The following DCC variants were observed in gnomAD, a reference collection of about 807,000 sequenced individuals.
DCC encodes netrin receptor DCC.
In DCC, 58 loss-of-function variants were observed where a neutral mutation model predicts 172.5. The observed-to-expected ratio is 0.34, with a 90% CI of 0.27 to 0.42. The LOEUF (loss-of-function observed/expected upper bound fraction) is 0.42. Among genes scored for constraint, DCC ranks in the 10% least tolerant of loss-of-function variants. DCC has a pLI of 1.00. For missense variants in DCC, 1,740 were observed against 1,791.0 expected (o/e 0.97, Z 0.51); for synonymous variants, 709 against 644.5 (o/e 1.10, Z -1.52).
chr18:52,642,006 G>GTGTGTGTGTA (rs2034901795), intron 1 of DCC, among the ~76,000 whole-genome samples: 1 of 38,112 alleles, frequency 2.6e-5, no homozygotes, highest in African/African-American at 7.4e-5. Context: ...AAACTGTGGT[G>GTGTGTGTGTA]TGTGTGTGTA....
At chr18:52,750,963 A>C (rs2036985083) in intron 1 of DCC, among the ~76,000 whole-genome samples, 1 of 152,240 alleles carries the variant, frequency 6.6e-6, no homozygotes, top group East Asian at 1.9e-4. Context: ...ATGCCATTTC[A>C]AACAAATAAA....
chr18:52,805,436 A>G (rs953216636), intron 2 of DCC, among the ~76,000 whole-genome samples: 3 of 152,176 alleles, frequency 2.0e-5, no homozygotes, highest in East Asian at 1.9e-4. Context: ...AATTATATGA[A>G]TTTTTGTTTT....
chr18:52,711,406 CTATT>C (rs1401382657), intron 1 of DCC, among the ~76,000 whole-genome samples: 1 of 152,088 alleles, frequency 6.6e-6, no homozygotes, highest in Non-Finnish European at 1.5e-5. Flanking sequence ...GAGGCCTTGT[CTATT>C]TCACTGCTAT....
intron 15 of DCC, among the ~76,000 whole-genome samples, chr18:53,377,942 G>C (rs1019610011): frequency 6.6e-6 from 1 of 152,086 alleles, no homozygotes; most frequent in Non-Finnish European, 1.5e-5. Context: ...AGAAGGCTTT[G>C]CTCTGGTTTA....
chr18:52,724,320 A>AT (rs761361045), intron 1 of DCC, among the ~76,000 whole-genome samples: 19 of 151,792 alleles, frequency 1.3e-4, no homozygotes, highest in East Asian at 7.7e-4. Flanking sequence ...TTATTTTATT[A>AT]TTTTTTTTAA....
intron 1 of DCC, among the ~76,000 whole-genome samples, chr18:52,398,059 C>T (rs551417637): frequency 6.6e-6 from 1 of 152,024 alleles, no homozygotes; most frequent in South Asian, 2.1e-4. Context: ...TGAGCAGTAG[C>T]ACCAATTGCT....
At position 52,392,882 on chromosome 18, in the gene DCC, T is replaced by A. The variant is rs569169559; in HGVS notation, c.91+52004T>A. ...ACTATGCAATACCAATAGCATCCTG[T>A]TTCTGGCAAAAAGGAGGAAGAATAT... On this transcript the variant is annotated intron_variant, in intron 1 of 28. Transcript: ENST00000442544. 2.9e-4 allele frequency among the ~76,000 whole-genome samples: 44 copies of A among 152,180 alleles called. No individual in the cohort carries two copies. The South Asian group carries it at 9.1e-3, about 32-fold the overall frequency.
chr18:53,463,389 G>T (rs367793247), intron 24 of DCC, among the ~76,000 whole-genome samples: 1 of 151,980 alleles, frequency 6.6e-6, no homozygotes, highest in African/African-American at 2.4e-5. Flanking sequence ...TGTAACAAAA[G>T]GAAAGTAATC....
Position 53,023,406 on chromosome 18 carries a change from A to C in DCC, c.986-39899A>C, listed in dbSNP as rs1415118490. The stretch of plus-strand genomic sequence containing the variant: ...AACACATATATAACTCAGACCAAAA[A>C]AAAAAAAAAAAAAAAAAAAAAAAGA... On this transcript the variant is annotated intron_variant, in intron 5 of 28. Transcript: ENST00000442544. Among the ~76,000 whole-genome samples the C allele has an allele frequency of 8.3e-4, 12 of 14,462 alleles. 1 individual carries two copies. In the East Asian group the frequency reaches 8.8e-3, roughly 11 times the overall value. The allele number at this position is 14,462 out of a possible 152,430, so 9.5% of individuals were successfully genotyped here.
At chr18:53,003,746 G>A (rs1052857559) in intron 5 of DCC, among the ~76,000 whole-genome samples, 81 of 152,044 alleles carry the variant, frequency 5.3e-4, no homozygotes, top group Admixed American at 4.6e-3. Context: ...TGGAAGAGAC[G>A]AATCTCAAAA....
chr18:52,524,922 C>T (rs568837037), intron 1 of DCC, among the ~76,000 whole-genome samples: 6 of 151,910 alleles, frequency 3.9e-5, no homozygotes, highest in African/African-American at 4.8e-5. Flanking sequence ...AGAAGGAATA[C>T]AATTTTGAAT....
chr18:52,439,174 T>TTCTG (rs74178668), intron 1 of DCC, among the ~76,000 whole-genome samples: 1 of 144,750 alleles, frequency 6.9e-6, no homozygotes, highest in East Asian at 2.0e-4. Context: ...AAGATATGTT[T>TTCTG]TGTGTGTGTG....
At chr18:53,304,149 T>C (rs1220327359) in intron 12 of DCC, among the ~76,000 whole-genome samples, 1 of 152,136 alleles carries the variant, frequency 6.6e-6, no homozygotes, top group African/African-American at 2.4e-5. Flanking sequence ...GGTTTGGGGT[T>C]AATATGGGTA....
At chr18:53,168,658 AT>A (rs1190282430) in intron 8 of DCC, among the ~76,000 whole-genome samples, 1 of 152,086 alleles carries the variant, frequency 6.6e-6, no homozygotes, top group Non-Finnish European at 1.5e-5. Flanking sequence ...ACCATGGCAC[AT>A]GTATACCTAT....
chr18:52,857,041 T>C lies in DCC; in HGVS notation c.413-49003T>C, dbSNP rs182991955. Among the ~76,000 whole-genome samples the C allele has an allele frequency of 1.8e-4, 27 of 152,364 alleles. No homozygotes were observed. In the South Asian group the frequency reaches 2.1e-3, roughly 12 times the overall value. On this transcript the variant is annotated intron_variant, in intron 2 of 28. Coordinates refer to ENST00000442544, the MANE Select transcript of DCC (RefSeq NM_005215.4). ...GATCCACATTCTCTTCTTTTAGCTT[T>C]TCTGCTTCATAAGTATTTTGCTGTT...
chr18:53,041,510 T>C (rs1248025295), intron 5 of DCC, among the ~76,000 whole-genome samples: 1 of 152,096 alleles, frequency 6.6e-6, no homozygotes, highest in Non-Finnish European at 1.5e-5. Context: ...TTTTTTTGGT[T>C]CCATAAGAAA....
chr18:53,309,732 G>A (rs1486162997), intron 13 of DCC, among the ~76,000 whole-genome samples: 2 of 151,880 alleles, frequency 1.3e-5, no homozygotes, highest in Admixed American at 1.3e-4. Context: ...TAGTTATTAG[G>A]AACAGCTCAC....
chr18:52,876,393 T>G (rs2039403273), intron 2 of DCC, among the ~76,000 whole-genome samples: 1 of 152,214 alleles, frequency 6.6e-6, no homozygotes, highest in African/African-American at 2.4e-5. Flanking sequence ...TTTTACCAAA[T>G]TTGGCCTATA....
At chr18:53,071,516 GTCTC>G (rs1389964738) in intron 7 of DCC, among the ~76,000 whole-genome samples, 4 of 152,080 alleles carry the variant, frequency 2.6e-5, no homozygotes, top group Non-Finnish European at 5.9e-5. Flanking sequence ...TTTATTTTCT[GTCTC>G]TCTCTATAGA....
Sources: gnomAD v4.1 joint callset for allele counts (sites outside exome capture counted in the v4.1 genomes callset) on GRCh38, gnomAD v4.1.1 for gene constraint, MANE v1.5 for transcripts, NCBI Gene and HGNC (gene_info 2026-07-23, HGNC 2026-07-21) for gene names.